Variants in SLC25A24 observed in about 807,000 individuals in gnomAD.
SLC25A24 encodes mitochondrial adenyl nucleotide antiporter SLC25A24.
Under a neutral mutation model 60.7 loss-of-function variants are expected in SLC25A24, and 49 were observed. That is an observed-to-expected ratio of 0.81 (90% CI 0.64 to 1.02). The LOEUF (loss-of-function observed/expected upper bound fraction) is 1.02, where lower values mean the gene tolerates loss of function less well. Among genes scored for constraint, SLC25A24 ranks in the 50% least tolerant of loss-of-function variants. The pLI, the probability that SLC25A24 is intolerant of heterozygous loss-of-function variation, is 0.00. For synonymous variants in SLC25A24, 202 were observed against 200.6 expected, an observed-to-expected ratio of 1.01 and a Z score of -0.06; for missense variants, 564 against 586.3, an observed-to-expected ratio of 0.96 and a Z score of 0.39.
intron 4 of SLC25A24, among the ~76,000 whole-genome samples, chr1:108,158,097 G>A (rs1679953902): frequency 6.6e-6 from 1 of 152,010 alleles, no homozygotes. Flanking sequence ...TTTTAAATAT[G>A]TAAATAAAAA....
rs1353735457 is a variant in SLC25A24 at position 108,163,471 on chromosome 1, T to G, written c.399-2178A>C. ...TTGTTTGTATCCTCTTTTATTTCAT[T>G]AAGCAGTGGTTTGCAGTTCTCCTTG... On this transcript the variant is annotated intron_variant, in intron 3 of 9. Transcript: ENST00000565488. Among the ~76,000 whole-genome samples the G allele has an allele frequency of 2.0e-5, 3 of 150,648 alleles. No homozygotes were observed. The East Asian group carries it at 5.9e-4, about 30-fold the overall frequency.
intron 3 of SLC25A24, among the ~76,000 whole-genome samples, chr1:108,172,389 A>G (rs1340532): frequency 0.44 from 67,073 of 151,992 alleles, 14,998 homozygotes; most frequent in Middle Eastern, 0.58. Context: ...TATTTGGCTC[A>G]CAGTTCTACA....
chr1:108,152,374 AT>A (rs536570670), intron 6 of SLC25A24, among the ~76,000 whole-genome samples: 7 of 149,682 alleles, frequency 4.7e-5, no homozygotes, highest in South Asian at 2.1e-4. Context: ...TTATTTATTT[AT>A]TTTTTTTTTG....
rs1333487182 is a variant in SLC25A24, at chr1:108,200,122, C to G, written c.17G>C (p.Arg6Pro). 3.9e-6 allele frequency: 6 copies of G among 1,556,310 alleles called. No individual in the cohort carries two copies. The African/African-American group carries it at 8.1e-5, about 21-fold the overall frequency. ...GGCCGCGGTGGGCAGCACGAAGTCC[C>G]GCAGCCAGCGCAACATGGTCCCAGA... is the stretch of plus-strand genomic sequence containing the variant. The part of the protein sequence containing the change: MLRWL[R>P]DFVLPTAACQ... Residue 6 changes from arginine (R) to proline (P), a missense_variant, in exon 1 of 10, where the codon CGG becomes CCG. Arg to Pro is a moderately radical substitution (Grantham distance 103). Transcript: ENST00000565488.
chr1:108,162,414 T>C (rs889716374), intron 3 of SLC25A24, among the ~76,000 whole-genome samples: 4 of 150,212 alleles, frequency 2.7e-5, no homozygotes, highest in Admixed American at 6.6e-5. Context: ...CCACCAACAG[T>C]GTAAAAGTGT....
intron 3 of SLC25A24, among the ~76,000 whole-genome samples, chr1:108,161,796 CT>C (rs976367644): frequency 1.7e-4 from 25 of 148,454 alleles, no homozygotes; most frequent in East Asian, 5.9e-4. Flanking sequence ...GCCTTTGAGT[CT>C]TTTTTTTTTA....
At chr1:108,158,580 C>G (rs1235356234) in intron 4 of SLC25A24, among the ~76,000 whole-genome samples, 1 of 151,956 alleles carries the variant, frequency 6.6e-6, no homozygotes, top group Admixed American at 6.6e-5. Flanking sequence ...CACTAATCAC[C>G]AACAATTTTA....
chr1:108,175,506 G>T (rs910982727), intron 3 of SLC25A24, among the ~76,000 whole-genome samples: 1 of 151,930 alleles, frequency 6.6e-6, no homozygotes, highest in Non-Finnish European at 1.5e-5. Flanking sequence ...AATACACCAG[G>T]CAACATGGCA....
intron 2 of SLC25A24, among the ~76,000 whole-genome samples, chr1:108,182,264 TATAG>T (rs1237834902): frequency 6.6e-6 from 1 of 152,184 alleles, no homozygotes; most frequent in Non-Finnish European, 1.5e-5. Context: ...GTAACAGCCT[TATAG>T]ATAAATAATA....
At chr1:108,171,198 CA>C (rs1397826318) in intron 3 of SLC25A24, among the ~76,000 whole-genome samples, 3 of 151,804 alleles carry the variant, frequency 2.0e-5, no homozygotes, top group African/African-American at 7.3e-5. Context: ...TCAACTACTA[CA>C]GTTTCAATGG....
At chr1:108,172,160 T>C (rs1286733017) in intron 3 of SLC25A24, among the ~76,000 whole-genome samples, 1 of 152,166 alleles carries the variant, frequency 6.6e-6, no homozygotes, top group Non-Finnish European at 1.5e-5. Context: ...TTATGACATA[T>C]GTGAAACACA....
At chr1:108,193,571 T>C (rs997744793) in intron 1 of SLC25A24, among the ~76,000 whole-genome samples, 1 of 140,126 alleles carries the variant, frequency 7.1e-6, no homozygotes, top group Non-Finnish European at 1.6e-5. Context: ...ATTTTCTTTA[T>C]CCAATCTGCT....
At chr1:108,192,376 G>T in intron 1 of SLC25A24, 1 of 673,240 alleles carries the variant, frequency 1.5e-6, no homozygotes, top group South Asian at 2.0e-5. Flanking sequence ...TCAACGACCT[G>T]AACACTGCAG....
chr1:108,183,560 T>C (rs996118510), intron 2 of SLC25A24, among the ~76,000 whole-genome samples: 2 of 152,308 alleles, frequency 1.3e-5, no homozygotes, highest in Middle Eastern at 3.4e-3. Flanking sequence ...TGTTTCTGTT[T>C]GAACGCACCT....
chr1:108,157,255 T>C (rs1039030104), intron 5 of SLC25A24, among the ~76,000 whole-genome samples: 8 of 152,238 alleles, frequency 5.3e-5, no homozygotes, highest in African/African-American at 1.9e-4. Flanking sequence ...AAAAGTTCAT[T>C]ACACACATGT....
intron 1 of SLC25A24, among the ~76,000 whole-genome samples, chr1:108,190,159 GAGTGGGAA>G (rs1648298786): frequency 6.6e-6 from 1 of 151,960 alleles, no homozygotes; most frequent in Non-Finnish European, 1.5e-5. Flanking sequence ...CCAGGCAGAG[GAGTGGGAA>G]AGCTTTACAG....
In SLC25A24 at chr1:108,192,687, G is replaced by A. The variant is rs145363336; in HGVS notation, c.184-6733C>T. On this transcript the variant is annotated intron_variant, in intron 1 of 9. Transcript: ENST00000565488. ...CCAGCGGGGTGGAAGTGCGACCGACGAACGGGATCTCTGCCCACCACACAC... is the reference window on the plus strand; with the variant it reads ...CCAGCGGGGTGGAAGTGCGACCGACAAACGGGATCTCTGCCCACCACACAC... 1.5e-4 allele frequency: 216 copies of A among 1,458,348 alleles called. 20 individuals carry two copies. In the African/African-American group the frequency reaches 2.6e-3, roughly 18 times the overall value. The allele number at this position is 1,458,348 out of a possible 1,614,324, so 90.3% of individuals were successfully genotyped here.
At chr1:108,180,691 G>A (rs1031904695) in intron 3 of SLC25A24, among the ~76,000 whole-genome samples, 1 of 148,534 alleles carries the variant, frequency 6.7e-6, no homozygotes, top group African/African-American at 2.5e-5. Flanking sequence ...ACAGTGAGAA[G>A]GGGTCTATCT....
chr1:108,149,860 GT>G (rs773598042), intron 6 of SLC25A24, among the ~76,000 whole-genome samples: 8 of 152,128 alleles, frequency 5.3e-5, no homozygotes, highest in Non-Finnish European at 1.2e-4. Flanking sequence ...GGGATCTAAA[GT>G]GCCCAATGCA....
Sources: gnomAD v4.1 joint callset for allele counts (sites outside exome capture counted in the v4.1 genomes callset) on GRCh38, gnomAD v4.1.1 for gene constraint, MANE v1.5 for transcripts, NCBI Gene and HGNC (gene_info 2026-07-23, HGNC 2026-07-21) for gene names.